Variants in FOXO3 observed in about 807,000 individuals in gnomAD.
FOXO3 encodes the protein forkhead box O3.
In FOXO3, 4 loss-of-function variants were observed where a neutral mutation model predicts 41.9. The observed-to-expected ratio is 0.10, with a 90% CI of 0.05 to 0.22. The LOEUF is 0.22. FOXO3 is among the 10% of genes least tolerant of loss of function. FOXO3 has a pLI of 1.00. For missense variants in FOXO3, 534 were observed against 906.8 expected (o/e 0.59, Z 5.28); for synonymous variants, 318 against 389.3 (o/e 0.82, Z 2.16).
intron 1 of FOXO3, among the ~76,000 whole-genome samples, chr6:108,656,773 G>C (rs1778700701): frequency 6.6e-6 from 1 of 152,190 alleles, no homozygotes; most frequent in South Asian, 2.1e-4. Context: ...CACCTAATCT[G>C]ATCTGTTTGG....
rs1015743487 is a variant in FOXO3 at position 108,575,398 on chromosome 6, GA to G, written c.621+13578del. 4.8e-3 allele frequency among the ~76,000 whole-genome samples: 671 copies of G among 139,644 alleles called. 6 individuals are homozygous for G. The highest frequency in any genetic ancestry group is 0.017 in the African/African-American group (638 of 37,564). 91.6% of individuals were successfully genotyped at this position (139,644 alleles called of 152,430 possible). A position where few individuals can be genotyped will look rare whatever the true frequency, so the allele number is the denominator to read the frequency against. On this transcript the variant is annotated intron_variant, in intron 1 of 2. Coordinates refer to ENST00000406360, the MANE Select transcript of FOXO3 (RefSeq NM_001455.4). ...ATACCTAAAAAAAAAAAAAAGAAAA[GA>G]AAAAAAAACCTCGATGTAAATTATT...
At chr6:108,657,934 A>G (rs1778735339) in intron 1 of FOXO3, among the ~76,000 whole-genome samples, 1 of 152,162 alleles carries the variant, frequency 6.6e-6, no homozygotes, top group African/African-American at 2.4e-5. Context: ...CCACTTACAT[A>G]GAGCTCTTTT....
chr6:108,575,346 C>T (rs1288126685), intron 1 of FOXO3, among the ~76,000 whole-genome samples: 1 of 151,278 alleles, frequency 6.6e-6, no homozygotes, highest in African/African-American at 2.4e-5. Flanking sequence ...TACCTTCCCC[C>T]CTTTTCTTCC....
intron 1 of FOXO3, among the ~76,000 whole-genome samples, chr6:108,574,489 A>G (rs558747432): frequency 9.2e-5 from 14 of 152,346 alleles, no homozygotes; most frequent in Admixed American, 9.1e-4. Context: ...TCAGGAAAAA[A>G]AAACATTTAC....
chr6:108,676,526 C>T lies in FOXO3; in HGVS notation c.*35-3301C>T, dbSNP rs377548719. Among the ~76,000 whole-genome samples the T allele has an allele frequency of 3.3e-5, 5 of 152,194 alleles. No homozygotes were observed. The East Asian group carries it at 7.7e-4, about 23-fold the overall frequency. On this transcript the variant is annotated intron_variant, in intron 2 of 2. Transcript: ENST00000406360. ...AAAGTGCTGAGACTACAGGCATGAG[C>T]CGCCATGCCTGGCCCCTTAATCCGA... is the stretch of plus-strand genomic sequence containing the variant.
At chr6:108,678,890 T>TTTTTCC (rs368405598) in intron 2 of FOXO3, among the ~76,000 whole-genome samples, 1 of 115,334 alleles carries the variant, frequency 8.7e-6, no homozygotes. Flanking sequence ...TTTTTTTTTT[T>TTTTTCC]TGAGACGGAG....
chr6:108,664,928 G>A (rs1582830686), intron 2 of FOXO3, 39 bp downstream of exon 2: 2 of 1,538,314 alleles, frequency 1.3e-6, no homozygotes, highest in South Asian at 1.3e-5. Flanking sequence ...TAACAATATG[G>A]GGATGAGGGG....
In FOXO3 at chr6:108,682,714, T is replaced by C. The variant is rs1175440001; in HGVS notation, c.*2922T>C. 1.3e-5 allele frequency: 2 copies of C among 152,202 alleles called. No homozygotes were observed. The highest frequency in any genetic ancestry group is 4.8e-5 in the African/African-American group (2 of 41,428). 9.4% of individuals were successfully genotyped at this position (152,202 alleles called of 1,614,324 possible). A position where few individuals can be genotyped will look rare whatever the true frequency, so the allele number is the denominator to read the frequency against. On this transcript the variant is annotated 3_prime_UTR_variant, in exon 3 of 3. Coordinates refer to ENST00000406360, the MANE Select transcript of FOXO3 (RefSeq NM_001455.4). Reference sequence around the variant, plus strand: ...GCCACCATGTCACATTCTGAGTGAGTGTCACAGGTCCCTAACAATAATTTT... The same window carrying C: ...GCCACCATGTCACATTCTGAGTGAGCGTCACAGGTCCCTAACAATAATTTT...
chr6:108,595,401 G>C (rs1323315288), intron 1 of FOXO3, among the ~76,000 whole-genome samples: 1 of 152,150 alleles, frequency 6.6e-6, no homozygotes, highest in Non-Finnish European at 1.5e-5. Context: ...TTATGATATT[G>C]AATTCATTTC....
At chr6:108,610,154 G>C (rs1165181809) in intron 1 of FOXO3, among the ~76,000 whole-genome samples, 2 of 152,102 alleles carry the variant, frequency 1.3e-5, no homozygotes, top group Non-Finnish European at 2.9e-5. Flanking sequence ...AATAGGACAA[G>C]GGTTGAATGG....
At chr6:108,619,984 A>G (rs1777622445) in intron 1 of FOXO3, among the ~76,000 whole-genome samples, 1 of 152,170 alleles carries the variant, frequency 6.6e-6, no homozygotes. Flanking sequence ...GTCTGTCCTT[A>G]CAGGTTAAAT....
chr6:108,636,526 A>G (rs1778126670), intron 1 of FOXO3, among the ~76,000 whole-genome samples: 1 of 152,068 alleles, frequency 6.6e-6, no homozygotes, highest in Admixed American at 6.5e-5. Flanking sequence ...CAAGCATCTT[A>G]GAGTGTTTTT....
chr6:108,642,369 G>A (rs1051384916), intron 1 of FOXO3, among the ~76,000 whole-genome samples: 3 of 152,078 alleles, frequency 2.0e-5, no homozygotes, highest in Non-Finnish European at 4.4e-5. Flanking sequence ...GGTGTTACAG[G>A]TCTGAGCCAC....
At chr6:108,677,388 G>A (rs1388592288) in intron 2 of FOXO3, among the ~76,000 whole-genome samples, 1 of 152,168 alleles carries the variant, frequency 6.6e-6, no homozygotes, top group Non-Finnish European at 1.5e-5. Context: ...GCTCAAAATT[G>A]TGCTCTGTTA....
chr6:108,615,630 A>T (rs910990467), intron 1 of FOXO3, among the ~76,000 whole-genome samples: 1 of 151,976 alleles, frequency 6.6e-6, no homozygotes, highest in African/African-American at 2.4e-5. Context: ...AAAAAAATTT[A>T]AAATCCAGCC....
At chr6:108,621,589 A>C (rs1215658050) in intron 1 of FOXO3, among the ~76,000 whole-genome samples, 1 of 152,018 alleles carries the variant, frequency 6.6e-6, no homozygotes, top group African/African-American at 2.4e-5. Flanking sequence ...TTCCTCTGTC[A>C]CCCAGGCTGG....
At chr6:108,636,514 A>G (rs1778126234) in intron 1 of FOXO3, among the ~76,000 whole-genome samples, 1 of 151,984 alleles carries the variant, frequency 6.6e-6, no homozygotes, top group South Asian at 2.1e-4. Flanking sequence ...GAGGCAAGAG[A>G]CCAAGCATCT....
At chr6:108,611,639 G>T (rs901325494) in intron 1 of FOXO3, among the ~76,000 whole-genome samples, 2 of 148,574 alleles carry the variant, frequency 1.3e-5, no homozygotes, top group African/African-American at 4.9e-5. Context: ...ATCTTTTCAT[G>T]TGCTTATTTG....
chr6:108,659,205 T>G (rs980939355), intron 1 of FOXO3, among the ~76,000 whole-genome samples: 5 of 152,154 alleles, frequency 3.3e-5, no homozygotes, highest in African/African-American at 7.2e-5. Flanking sequence ...TTTTAAAATC[T>G]TAAAAAAAAA....
Sources: allele counts gnomAD v4.1 joint callset (sites outside exome capture counted in the v4.1 genomes callset), GRCh38; gene constraint gnomAD v4.1.1; transcripts MANE v1.5; gene names NCBI Gene and HGNC (gene_info 2026-07-23, HGNC 2026-07-21).